Variants in MTPAP observed in about 807,000 individuals in gnomAD.
The protein encoded by MTPAP is poly(A) RNA polymerase, mitochondrial.
Under a neutral mutation model 48.7 loss-of-function variants are expected in MTPAP, and 23 were observed. The observed-to-expected ratio is 0.47, with a 90% confidence interval of 0.34 to 0.67. The LOEUF (loss-of-function observed/expected upper bound fraction) is 0.67. MTPAP is among the 30% of genes least tolerant of loss of function. The pLI is 0.01. For synonymous variants in MTPAP, 257 were observed against 254.1 expected (o/e 1.01, Z -0.11); for missense variants, 614 against 694.3 (o/e 0.88, Z 1.30).
In MTPAP at chr10:30,322,397, G is replaced by C; in HGVS notation, c.1213C>G (p.Leu405Val). The C allele has an allele frequency of 6.3e-7, 1 of 1,597,748 alleles. No individual in the cohort carries two copies. Among genetic ancestry groups the C allele is most frequent in the Non-Finnish European group, 8.6e-7 (1 of 1,165,202 alleles). ...ILPTLDSLKT[L>V]ADAEDKCVIE... ...AGTTTCTTTCTAGTCTTACCTGCTA[G>C]GGTTTTTAAGGAATCTAGTGTTGGA... The change falls in exon 6 of 9, where the codon CTA becomes GTA. Residue 405 changes from leucine to valine, a missense_variant. By Grantham distance (32) the Leu-to-Val change is conservative (BLOSUM62 1). Around this residue, in one of 5 missense-constraint regions of MTPAP, gnomAD observed 261 missense variants for 355.4 expected, o/e 0.73. Transcript: ENST00000263063.
chr10:30,322,290 A>G, intron 6 of MTPAP, 101 bp downstream of exon 6: 1 of 1,049,934 alleles, frequency 9.5e-7, no homozygotes, highest in Non-Finnish European at 1.5e-6. Flanking sequence ...GACAAATTTT[A>G]TGACTAATAA....
At chr10:30,321,816 A>G (rs1840728916) in intron 6 of MTPAP, among the ~76,000 whole-genome samples, 1 of 152,200 alleles carries the variant, frequency 6.6e-6, no homozygotes. Flanking sequence ...TCAAGATTTT[A>G]TAACATAACT....
At chr10:30,338,996 G>A (rs552344705) in intron 3 of MTPAP, among the ~76,000 whole-genome samples, 50 of 152,106 alleles carry the variant, frequency 3.3e-4, no homozygotes, top group Admixed American at 2.7e-3. Flanking sequence ...GGTGGTGGGC[G>A]CCTGTAGTCC....
chr10:30,320,210 C>T (rs929657923), intron 6 of MTPAP, among the ~76,000 whole-genome samples: 2 of 152,142 alleles, frequency 1.3e-5, no homozygotes, highest in Non-Finnish European at 2.9e-5. Context: ...TTGCAGTGAG[C>T]CAAGATTGCA....
intron 3 of MTPAP, 90 bp from the exon 4 acceptor site, chr10:30,337,117 T>TG (rs1194051675): frequency 9.0e-7 from 1 of 1,112,300 alleles, no homozygotes; most frequent in Admixed American, 1.9e-5. Context: ...TTGGTGGCGT[T>TG]GAAGACCTAC....
chr10:30,331,113 A>T (rs991095635), intron 4 of MTPAP, among the ~76,000 whole-genome samples: 1 of 152,242 alleles, frequency 6.6e-6, no homozygotes, highest in African/African-American at 2.4e-5. Flanking sequence ...GGGAAAATTT[A>T]GATGAAAATT....
chr10:30,330,295 C>T (rs1274984648), intron 4 of MTPAP, among the ~76,000 whole-genome samples: 1 of 152,134 alleles, frequency 6.6e-6, no homozygotes, highest in Non-Finnish European at 1.5e-5. Flanking sequence ...AGTTCCCTGT[C>T]CATTCTCTTT....
At chr10:30,328,001 C>T (rs1024120710) in intron 4 of MTPAP, among the ~76,000 whole-genome samples, 3 of 152,130 alleles carry the variant, frequency 2.0e-5, no homozygotes, top group Middle Eastern at 3.4e-3. Flanking sequence ...AGAGAAGACA[C>T]AAAAGAATAT....
Position 30,316,172 on chromosome 10 carries a change from T to A in MTPAP, c.1258A>T (p.Thr420Ser). The change falls in exon 7 of 9, where the codon ACA becomes TCA. Residue 420 changes from threonine to serine, a missense_variant. Transcript: ENST00000263063. ...ATTCTACTCAAGTCACGAACAAATG[T>A]GCAGTTGTTGCCTTCTATTACACAT... ...DKCVIEGNNC[T>S]FVRDLSRIKP... 1 of 1,613,988 alleles carries A rather than the reference T, an allele frequency of 6.2e-7. No homozygotes were observed. The highest frequency in any genetic ancestry group is 8.5e-7 in the Non-Finnish European group (1 of 1,179,930).
At chr10:30,346,450 A>G (rs1395128709) in intron 1 of MTPAP, among the ~76,000 whole-genome samples, 2 of 152,226 alleles carry the variant, frequency 1.3e-5, no homozygotes, top group East Asian at 3.8e-4. Flanking sequence ...GGAAAAAAAA[A>G]ACTGTAAGAA....
chr10:30,316,761 G>T (rs926805887), intron 6 of MTPAP, among the ~76,000 whole-genome samples: 19 of 151,858 alleles, frequency 1.3e-4, no homozygotes, highest in African/African-American at 4.4e-4. Context: ...ATGGTGGCTT[G>T]CTCCTGTAAT....
At chr10:30,347,263 T>C (rs1834884357) in intron 1 of MTPAP, among the ~76,000 whole-genome samples, 1 of 152,222 alleles carries the variant, frequency 6.6e-6, no homozygotes, top group South Asian at 2.1e-4. Flanking sequence ...TTTCAACCAT[T>C]AGAGGCTGAC....
At chr10:30,320,133 C>T (rs931860566) in intron 6 of MTPAP, among the ~76,000 whole-genome samples, 1 of 152,126 alleles carries the variant, frequency 6.6e-6, no homozygotes, top group African/African-American at 2.4e-5. Flanking sequence ...AGTGGTGGCA[C>T]AAGCCTGTAT....
At chr10:30,326,938 C>T (rs947311508) in intron 4 of MTPAP, among the ~76,000 whole-genome samples, 3 of 152,098 alleles carry the variant, frequency 2.0e-5, no homozygotes, top group Non-Finnish European at 2.9e-5. Context: ...TGCATAGAAC[C>T]ATTCACCTTA....
chr10:30,348,848 G>A lies in MTPAP; in HGVS notation c.157+271C>T, dbSNP rs567922798. ...AAACTGTAAAGTGCAAGCAAACTGG[G>A]TTCCTGACCTGAATTTCATGGAAGT... On this transcript the variant is annotated intron_variant, in intron 1 of 8. Coordinates refer to ENST00000263063, the MANE Select transcript of MTPAP (RefSeq NM_018109.4). 3 of 514,892 alleles carry A rather than the reference G, an allele frequency of 5.8e-6. No homozygotes were observed. The Admixed American group carries it at 1.0e-4, about 17-fold the overall frequency. The allele number at this position is 514,892 out of a possible 1,614,324, so 31.9% of individuals were successfully genotyped here.
chr10:30,314,460 A>C (rs1840636881), intron 8 of MTPAP, among the ~76,000 whole-genome samples: 1 of 152,198 alleles, frequency 6.6e-6, no homozygotes, highest in African/African-American at 2.4e-5. Flanking sequence ...ATATTAATTA[A>C]TGTTTCCCAA....
Position 30,313,448 on chromosome 10 carries a change from T to A in MTPAP, c.*161A>T, listed in dbSNP as rs955046719. 5.1e-6 allele frequency: 5 copies of A among 982,384 alleles called. No individual in the cohort carries two copies. The highest frequency in any genetic ancestry group is 4.6e-4 in the Middle Eastern group (2 of 4,360). 60.9% of individuals were successfully genotyped at this position (982,384 alleles called of 1,614,324 possible). A position where few individuals can be genotyped will look rare whatever the true frequency, so the allele number is the denominator to read the frequency against. On this transcript the variant is annotated 3_prime_UTR_variant, in exon 9 of 9. Transcript: ENST00000263063. ...TATCAGACTGATCAAACTGAAAACA[T>A]CCCAGAACTTCAGACCAGGTTAAGG...
chr10:30,322,761 T>C (rs879625962), intron 5 of MTPAP, 144 bp from the exon 6 acceptor site: 9 of 661,632 alleles, frequency 1.4e-5, no homozygotes, highest in Non-Finnish European at 2.4e-5. Context: ...AAAAGCATTA[T>C]GAATTTGCAA....
At chr10:30,322,110 G>A (rs1251143195) in intron 6 of MTPAP, among the ~76,000 whole-genome samples, 1 of 152,102 alleles carries the variant, frequency 6.6e-6, no homozygotes, top group Non-Finnish European at 1.5e-5. Context: ...ATCTGAAAAA[G>A]GTCATTCTAG....
Sources: allele counts gnomAD v4.1 joint callset (sites outside exome capture counted in the v4.1 genomes callset), GRCh38; gene constraint gnomAD v4.1.1; regional missense constraint gnomAD v4.1.1; transcripts MANE v1.5; gene names NCBI Gene and HGNC (gene_info 2026-07-23, HGNC 2026-07-21).